The following CEP128 variants were observed in gnomAD, a reference collection of about 807,000 sequenced individuals.
CEP128 encodes centrosomal protein 128kDa.
A neutral mutation model predicts 156.7 loss-of-function variants in CEP128; 132 were observed. That is an observed-to-expected ratio of 0.84 (90% CI 0.73 to 0.97). The LOEUF (loss-of-function observed/expected upper bound fraction) is 0.97. CEP128 is among the 50% of genes least tolerant of loss of function. The pLI is 0.00. For synonymous variants in CEP128, 469 were observed against 448.9 expected (o/e 1.04, Z -0.57); for missense variants, 1,252 against 1,281.9 (o/e 0.98, Z 0.36).
chr14:80,938,374 G>C (rs766108362), intron 2 of CEP128, among the ~76,000 whole-genome samples: 39 of 150,782 alleles, frequency 2.6e-4, no homozygotes, highest in Middle Eastern at 3.4e-3. Flanking sequence ...AGCCTCCCAA[G>C]TAGCTGGGAC....
At chr14:80,854,743 C>T (rs542058541) in intron 9 of CEP128, among the ~76,000 whole-genome samples, 5 of 152,166 alleles carry the variant, frequency 3.3e-5, no homozygotes, top group African/African-American at 4.8e-5. Flanking sequence ...AAAAGAACTA[C>T]GTGAGAAATA....
At chr14:80,895,932 G>A (rs1595560661) in intron 7 of CEP128, 142 bp from the exon 8 acceptor site, 2 of 643,652 alleles carry the variant, frequency 3.1e-6, no homozygotes, top group Non-Finnish European at 4.8e-6. Context: ...TCTGAAACAC[G>A]TGGAAGGCTT....
intron 23 of CEP128, among the ~76,000 whole-genome samples, chr14:80,509,847 A>G (rs903729599): frequency 2.6e-5 from 4 of 152,196 alleles, no homozygotes; most frequent in African/African-American, 7.2e-5. Flanking sequence ...GCATATGAAT[A>G]TCCAGTTTTT....
At chr14:80,671,158 T>C (rs1566846523) in intron 19 of CEP128, among the ~76,000 whole-genome samples, 1 of 152,140 alleles carries the variant, frequency 6.6e-6, no homozygotes, top group Non-Finnish European at 1.5e-5. Flanking sequence ...ATGCTATAGA[T>C]AAGGACCTTC....
At chr14:80,826,363 G>A (rs1008967394) in intron 13 of CEP128, among the ~76,000 whole-genome samples, 2 of 152,062 alleles carry the variant, frequency 1.3e-5, no homozygotes, top group Non-Finnish European at 2.9e-5. Context: ...TTTACAATAT[G>A]CACTTAGATA....
intron 19 of CEP128, among the ~76,000 whole-genome samples, chr14:80,693,703 G>T (rs1438344388): frequency 6.6e-6 from 1 of 152,056 alleles, no homozygotes; most frequent in Non-Finnish European, 1.5e-5. Context: ...CCTATATATG[G>T]ATGTGTTTAA....
At chr14:80,490,786 A>C (rs547468222) in intron 6 of CEP128, 1 of 152,324 alleles carries the variant, frequency 6.6e-6, no homozygotes, top group East Asian at 1.9e-4. Flanking sequence ...TCACCTGGAA[A>C]ATAGCCACTT....
intron 19 of CEP128, among the ~76,000 whole-genome samples, chr14:80,686,644 G>A (rs10137867): frequency 0.066 from 10,041 of 152,120 alleles, 1,093 homozygotes; most frequent in African/African-American, 0.23. Flanking sequence ...GCTGGATAAA[G>A]AGTTAAGACC....
chr14:80,955,596 C>T, intron 2 of CEP128: 1 of 1,553,158 alleles, frequency 6.4e-7, no homozygotes, highest in East Asian at 2.2e-5. Flanking sequence ...TCCCGGGTCT[C>T]CTTTGGCCTG....
At chr14:80,864,220 T>C (rs1351867310) in intron 8 of CEP128, among the ~76,000 whole-genome samples, 1 of 152,242 alleles carries the variant, frequency 6.6e-6, no homozygotes, top group African/African-American at 2.4e-5. Flanking sequence ...ACTATGTTAT[T>C]GTCAAGGCTT....
intron 11 of CEP128, 32 bp from the exon 12 acceptor site, chr14:80,836,369 T>A: frequency 1.2e-6 from 2 of 1,613,050 alleles, no homozygotes; most frequent in Non-Finnish European, 1.7e-6. Context: ...AACATCGGTT[T>A]TCACAATCAG....
At chr14:80,854,548 T>C (rs576796833) in intron 9 of CEP128, among the ~76,000 whole-genome samples, 1 of 152,248 alleles carries the variant, frequency 6.6e-6, no homozygotes, top group East Asian at 1.9e-4. Flanking sequence ...TGAGTTCCTT[T>C]TTTTAGGGGT....
Position 80,792,741 on chromosome 14 carries a change from A to T in CEP128, c.1560+19T>A, listed in dbSNP as rs948103000. 6 of 1,596,874 alleles carry T rather than the reference A, an allele frequency of 3.8e-6. No homozygotes were observed. The highest frequency in any genetic ancestry group is 1.7e-4 in the Middle Eastern group (1 of 6,018). ...TGAATCACATTGAAAACCGTTCCTT[A>T]GGAATGTGGCTTTTATACCTGATTA... On this transcript the variant is annotated intron_variant, in intron 14 of 24. Coordinates refer to ENST00000555265, the MANE Select transcript of CEP128 (RefSeq NM_152446.5).
intron 13 of CEP128, among the ~76,000 whole-genome samples, chr14:80,820,045 C>T (rs1422965339): frequency 6.6e-6 from 1 of 152,154 alleles, no homozygotes; most frequent in African/African-American, 2.4e-5. Flanking sequence ...TTCTCTTAAA[C>T]TCTACCTACA....
chr14:80,920,459 G>A (rs573234768), intron 2 of CEP128, among the ~76,000 whole-genome samples: 31 of 152,186 alleles, frequency 2.0e-4, no homozygotes, highest in African/African-American at 7.5e-4. Flanking sequence ...AGCAATATGC[G>A]TCAATTATAT....
intron 13 of CEP128, among the ~76,000 whole-genome samples, chr14:80,825,927 GA>G (rs1313718002): frequency 6.6e-6 from 1 of 151,850 alleles, no homozygotes; most frequent in Non-Finnish European, 1.5e-5. Flanking sequence ...CCAACATGGT[GA>G]AACCCCGTCT....
intron 20 of CEP128, among the ~76,000 whole-genome samples, chr14:80,561,750 A>T (rs1361926642): frequency 6.6e-6 from 1 of 152,176 alleles, no homozygotes; most frequent in Non-Finnish European, 1.5e-5. Flanking sequence ...CTTAGTGTTT[A>T]GCAGAGATAA....
chr14:80,620,568 T>A (rs1893437074), intron 19 of CEP128, among the ~76,000 whole-genome samples: 1 of 152,148 alleles, frequency 6.6e-6, no homozygotes, highest in Non-Finnish European at 1.5e-5. Context: ...GACTCTAAGA[T>A]AATAAAATAT....
chr14:80,693,672 A>C (rs1444037248), intron 19 of CEP128, among the ~76,000 whole-genome samples: 3 of 152,216 alleles, frequency 2.0e-5, no homozygotes, highest in Admixed American at 1.3e-4. Flanking sequence ...AAAATAAAAA[A>C]GTATCATAAA....
Sources: allele counts gnomAD v4.1 joint callset (sites outside exome capture counted in the v4.1 genomes callset), GRCh38; gene constraint gnomAD v4.1.1; transcripts MANE v1.5; gene names NCBI Gene and HGNC (gene_info 2026-07-23, HGNC 2026-07-21).